Variants in TNKS observed in about 807,000 individuals in gnomAD.
TNKS encodes the protein poly [ADP-ribose] polymerase tankyrase-1.
A neutral mutation model predicts 135.8 loss-of-function variants in TNKS; 72 were observed. The observed-to-expected ratio is 0.53, with a 90% CI of 0.44 to 0.64. TNKS has a LOEUF of 0.64. Among genes scored for constraint, TNKS ranks in the 30% least tolerant of loss-of-function variants. TNKS has a pLI of 0.00. For missense variants in TNKS, 1,769 were observed against 1,674.0 expected (o/e 1.06, Z -0.99); for synonymous variants, 849 against 649.3 (o/e 1.31, Z -4.68).
At chr8:9,618,310 T>A (rs979489614) in intron 3 of TNKS, among the ~76,000 whole-genome samples, 2 of 152,302 alleles carry the variant, frequency 1.3e-5, no homozygotes, top group Middle Eastern at 3.4e-3. Context: ...GCATGTTTTT[T>A]AATAAAGCTA....
At chr8:9,615,742 C>A (rs535956828) in intron 3 of TNKS, 65 bp downstream of exon 3, 2 of 1,316,176 alleles carry the variant, frequency 1.5e-6, no homozygotes, top group South Asian at 1.4e-5. Context: ...TTTATAAAAT[C>A]TTGTTATGCT....
At chr8:9,586,112 A>G (rs1164226169) in intron 2 of TNKS, among the ~76,000 whole-genome samples, 2 of 152,162 alleles carry the variant, frequency 1.3e-5, no homozygotes, top group Non-Finnish European at 2.9e-5. Context: ...AACTGCTTTT[A>G]TTATCGTGAA....
At chr8:9,717,682 G>C (rs1257696598) in intron 11 of TNKS, among the ~76,000 whole-genome samples, 2 of 152,102 alleles carry the variant, frequency 1.3e-5, no homozygotes, top group African/African-American at 4.8e-5. Flanking sequence ...ACTGCTGAGA[G>C]GATGTATAAA....
intron 25 of TNKS, 24 bp from the exon 26 acceptor site, chr8:9,770,082 C>A: frequency 6.3e-7 from 1 of 1,576,436 alleles, no homozygotes; most frequent in Non-Finnish European, 8.6e-7. Context: ...TCCTTCAAAG[C>A]ATTGTTTTTT....
At chr8:9,608,353 C>A (rs998869512) in intron 2 of TNKS, among the ~76,000 whole-genome samples, 1 of 152,064 alleles carries the variant, frequency 6.6e-6, no homozygotes, top group Non-Finnish European at 1.5e-5. Context: ...CTTTGTAGAT[C>A]CTGGCTCTCT....
intron 3 of TNKS, among the ~76,000 whole-genome samples, chr8:9,667,016 T>G (rs1012712550): frequency 3.3e-5 from 5 of 152,236 alleles, no homozygotes; most frequent in African/African-American, 1.2e-4. Flanking sequence ...AATGATTTAG[T>G]TCTTGAGTGT....
intron 20 of TNKS, among the ~76,000 whole-genome samples, 187 bp from the exon 21 acceptor site, chr8:9,761,329 A>G (rs1446783644): frequency 6.6e-6 from 1 of 152,222 alleles, no homozygotes; most frequent in African/African-American, 2.4e-5. Context: ...AGAGTACTTC[A>G]AGTAAGCAGA....
Position 9,731,425 on chromosome 8 carries a change from A to ACTC in TNKS, c.2147+392_2147+394dup, listed in dbSNP as rs200677105. On this transcript the variant is annotated intron_variant, in intron 14 of 26. Coordinates refer to ENST00000310430, the MANE Select transcript of TNKS (RefSeq NM_003747.3). The stretch of plus-strand genomic sequence containing the variant: ...CAGTGAGCTAAGATCTCAGCATTGC[A>ACTC]CTCCAGCTTGGGCAACAAGAGCGAA... 4.9e-3 allele frequency among the ~76,000 whole-genome samples: 675 copies of ACTC among 136,596 alleles called. 10 individuals are homozygous for ACTC. Among genetic ancestry groups the ACTC allele is most frequent in the African/African-American group, 0.017 (639 of 36,958 alleles). The allele number at this position is 136,596 out of a possible 152,430, so 89.6% of individuals were successfully genotyped here.
intron 3 of TNKS, among the ~76,000 whole-genome samples, chr8:9,678,266 C>G (rs1802631047): frequency 6.6e-6 from 1 of 152,082 alleles, no homozygotes; most frequent in Admixed American, 6.6e-5. Flanking sequence ...TGGGTTATGC[C>G]ATTTTCCTCA....
At chr8:9,769,214 T>A (rs1449536064) in intron 25 of TNKS, among the ~76,000 whole-genome samples, 1 of 152,196 alleles carries the variant, frequency 6.6e-6, no homozygotes, top group Non-Finnish European at 1.5e-5. Flanking sequence ...TGTGTGCCAA[T>A]AAAATTGTAT....
intron 3 of TNKS, among the ~76,000 whole-genome samples, chr8:9,650,209 A>G (rs1173831176): frequency 2.6e-5 from 4 of 152,000 alleles, no homozygotes; most frequent in Non-Finnish European, 4.4e-5. Flanking sequence ...CAGTTTCTTT[A>G]TCTGCTTGTC....
intron 1 of TNKS, among the ~76,000 whole-genome samples, chr8:9,563,680 C>T (rs951221704): frequency 6.6e-6 from 1 of 152,056 alleles, no homozygotes; most frequent in Non-Finnish European, 1.5e-5. Context: ...CCTTTTATTT[C>T]TAACTCAGGC....
At chr8:9,631,786 G>C (rs748324419) in intron 3 of TNKS, among the ~76,000 whole-genome samples, 1 of 149,080 alleles carries the variant, frequency 6.7e-6, no homozygotes. Context: ...TCAAGAAAAA[G>C]TGTCAAGTTT....
At chr8:9,742,118 G>C (rs1290840857) in intron 17 of TNKS, among the ~76,000 whole-genome samples, 1 of 152,136 alleles carries the variant, frequency 6.6e-6, no homozygotes, top group African/African-American at 2.4e-5. Context: ...TCTCATCCTT[G>C]TATGGAAGAA....
At chr8:9,585,876 CTG>C (rs1223897720) in intron 2 of TNKS, among the ~76,000 whole-genome samples, 5 of 152,148 alleles carry the variant, frequency 3.3e-5, no homozygotes, top group African/African-American at 1.2e-4. Context: ...AAAAAAATAA[CTG>C]TTTTCTGGCT....
At chr8:9,577,484 C>T (rs570245832) in intron 1 of TNKS, among the ~76,000 whole-genome samples, 7 of 152,210 alleles carry the variant, frequency 4.6e-5, no homozygotes, top group East Asian at 3.9e-4. Context: ...AGGAAATTCA[C>T]AGTCGTGACG....
chr8:9,713,032 A>C (rs1804417032), intron 11 of TNKS, among the ~76,000 whole-genome samples: 1 of 152,180 alleles, frequency 6.6e-6, no homozygotes, highest in Non-Finnish European at 1.5e-5. Context: ...TATATATATT[A>C]AGTGTTCTCA....
At chr8:9,770,397 A>G (rs1807756653) in intron 26 of TNKS, 135 bp downstream of exon 26, 4 of 970,130 alleles carry the variant, frequency 4.1e-6, no homozygotes, top group Non-Finnish European at 5.8e-6. Flanking sequence ...TTCAGATACA[A>G]AATAAAGGTA....
intron 3 of TNKS, among the ~76,000 whole-genome samples, chr8:9,668,437 A>G (rs1353746178): frequency 1.3e-5 from 2 of 152,236 alleles, no homozygotes; most frequent in Non-Finnish European, 2.9e-5. Flanking sequence ...CCATGAAATT[A>G]CCAGAGGTTA....
Sources: allele counts gnomAD v4.1 joint callset (sites outside exome capture counted in the v4.1 genomes callset), GRCh38; gene constraint gnomAD v4.1.1; transcripts MANE v1.5; gene names NCBI Gene and HGNC (gene_info 2026-07-23, HGNC 2026-07-21).